The following NTM variants were observed in gnomAD, a reference collection of about 807,000 sequenced individuals.
The protein encoded by NTM is IgLON family member 2.
Under a neutral mutation model 42.1 loss-of-function variants are expected in NTM, and 13 were observed. The ratio of observed to expected loss-of-function variants is 0.31; its 90% confidence interval spans 0.20 to 0.49. The LOEUF (loss-of-function observed/expected upper bound fraction) is 0.49, where lower values mean the gene tolerates loss of function less well. NTM is among the 20% of genes least tolerant of loss of function. The pLI is 0.99. For missense variants in NTM, 373 were observed against 452.8 expected (o/e 0.82, Z 1.60); for synonymous variants, 187 against 179.2 (o/e 1.04, Z -0.35).
At chr11:132,131,497 G>A (rs2066815984) in intron 2 of NTM, among the ~76,000 whole-genome samples, 1 of 152,314 alleles carries the variant, frequency 6.6e-6, no homozygotes, top group East Asian at 1.9e-4. Flanking sequence ...GGAACCCTAC[G>A]AAAGTGCAGC....
intron 8 of NTM, 110 bp downstream of exon 8, chr11:132,330,295 A>G: frequency 8.0e-7 from 1 of 1,257,492 alleles, no homozygotes; most frequent in Non-Finnish European, 1.1e-6. Context: ...GAAGCAGCGC[A>G]GAGGGAACCC....
intron 4 of NTM, among the ~76,000 whole-genome samples, chr11:132,283,353 T>C (rs1479755843): frequency 1.3e-5 from 2 of 152,150 alleles, no homozygotes; most frequent in Admixed American, 1.3e-4. Context: ...TTTTCCAAGT[T>C]GGTAAAATCA....
chr11:132,023,810 T>TTTG lies in NTM; in HGVS notation c.167+112187_167+112189dup, dbSNP rs137975664. On this transcript the variant is annotated intron_variant, in intron 2 of 8. Transcript: ENST00000683400. Reference sequence around the variant, plus strand: ...TGGTTTTGTTGTTGGTGGTGGTGGTTTTGTTGTTGTTGTTGTTGTTGTTGT... The same window carrying TTTG: ...TGGTTTTGTTGTTGGTGGTGGTGGTTTTGTTGTTGTTGTTGTTGTTGTTGTTGT... Among the ~76,000 whole-genome samples the TTTG allele has an allele frequency of 7.8e-4, 114 of 145,544 alleles. No individual in the cohort carries two copies. In the Middle Eastern group the frequency reaches 0.021, roughly 27 times the overall value.
intron 2 of NTM, among the ~76,000 whole-genome samples, chr11:132,052,961 A>C (rs1337641081): frequency 6.6e-6 from 1 of 152,210 alleles, no homozygotes; most frequent in Non-Finnish European, 1.5e-5. Context: ...TAGAATAACA[A>C]TAATGAAACA....
chr11:131,654,451 G>A (rs558874948), intron 1 of NTM, among the ~76,000 whole-genome samples: 6 of 151,518 alleles, frequency 4.0e-5, no homozygotes, highest in East Asian at 1.9e-4. Context: ...TTTTTTTTCC[G>A]GGAGTCTCAG....
intron 2 of NTM, among the ~76,000 whole-genome samples, chr11:132,086,062 C>T (rs549893093): frequency 1.9e-4 from 29 of 152,062 alleles, no homozygotes; most frequent in East Asian, 7.8e-4. Flanking sequence ...CGGTGGCTCA[C>T]GCCTGTAATC....
At chr11:131,496,458 C>T (rs745350391) in intron 1 of NTM, among the ~76,000 whole-genome samples, 4 of 152,222 alleles carry the variant, frequency 2.6e-5, no homozygotes, top group Non-Finnish European at 5.9e-5. Context: ...GCAGACAAAG[C>T]AGTGGGAAAA....
chr11:131,612,377 A>G (rs1013476342), intron 1 of NTM, among the ~76,000 whole-genome samples: 2 of 152,236 alleles, frequency 1.3e-5, no homozygotes, highest in Non-Finnish European at 2.9e-5. Flanking sequence ...AGCAACAGAT[A>G]ACTAATACGC....
chr11:131,660,258 C>T, intron 1 of NTM: 1 of 346,570 alleles, frequency 2.9e-6, no homozygotes, highest in South Asian at 2.3e-5. Context: ...TGGTTGTTGG[C>T]CTCAGGGTGC....
chr11:131,417,056 T>C (rs1051479680), intron 1 of NTM, among the ~76,000 whole-genome samples: 2 of 152,174 alleles, frequency 1.3e-5, no homozygotes, highest in African/African-American at 2.4e-5. Context: ...CAACCTCTAG[T>C]TTAATGGCTA....
chr11:131,990,126 A>G (rs2066764554), intron 2 of NTM, among the ~76,000 whole-genome samples: 1 of 152,142 alleles, frequency 6.6e-6, no homozygotes, highest in African/African-American at 2.4e-5. Context: ...TTTATTCACT[A>G]CATTTTATGG....
chr11:132,038,421 C>T (rs896440479), intron 2 of NTM, among the ~76,000 whole-genome samples: 11 of 152,086 alleles, frequency 7.2e-5, no homozygotes, highest in African/African-American at 1.4e-4. Flanking sequence ...TGTTAGTGCC[C>T]GGAGGAGTGT....
chr11:131,600,170 G>A (rs146579502), intron 1 of NTM, among the ~76,000 whole-genome samples: 88 of 152,290 alleles, frequency 5.8e-4, no homozygotes, highest in African/African-American at 2.1e-3. Flanking sequence ...CCCTCTCTGG[G>A]GATCTGGGGT....
chr11:132,040,105 T>TG (rs2135761117), intron 2 of NTM, among the ~76,000 whole-genome samples: 1 of 58,178 alleles, frequency 1.7e-5, no homozygotes, highest in African/African-American at 1.6e-4. Flanking sequence ...ATTTTTTGTG[T>TG]TTTTATTAGA....
chr11:131,774,080 A>C (rs572163973), intron 1 of NTM: 59 of 985,040 alleles, frequency 6.0e-5, no homozygotes, highest in Non-Finnish European at 7.0e-5. Flanking sequence ...ATGTTGTTCC[A>C]AAATTGCTCT....
At chr11:132,138,048 A>C (rs2068289898) in intron 2 of NTM, among the ~76,000 whole-genome samples, 1 of 151,948 alleles carries the variant, frequency 6.6e-6, no homozygotes, top group African/African-American at 2.4e-5. Context: ...TGCTCCTCCT[A>C]CTGCTGGACA....
chr11:132,080,712 G>C (rs2058929738), intron 2 of NTM, among the ~76,000 whole-genome samples: 1 of 152,160 alleles, frequency 6.6e-6, no homozygotes. Flanking sequence ...CTGAGAGCTT[G>C]TTAAATGCAT....
intron 2 of NTM, among the ~76,000 whole-genome samples, chr11:132,143,042 G>A (rs2069527768): frequency 6.6e-6 from 1 of 152,128 alleles, no homozygotes; most frequent in African/African-American, 2.4e-5. Flanking sequence ...CCTGGTACTT[G>A]TCAGATTTCA....
rs1300011131 is a variant in NTM, at chr11:131,506,425, A to G, written c.82+135537A>G. 2.6e-5 allele frequency among the ~76,000 whole-genome samples: 4 copies of G among 152,098 alleles called. No individual in the cohort carries two copies. In the East Asian group the frequency reaches 7.7e-4, roughly 29 times the overall value. On this transcript the variant is annotated intron_variant, in intron 1 of 8. Coordinates refer to ENST00000683400, the MANE Select transcript of NTM (RefSeq NM_001352005.2). ...TCGGGAGCACTAATGGGATTCTAAT[A>G]CCCTGGCAAATGGGATTTTTTACAA...
Sources: gnomAD v4.1 joint callset for allele counts (sites outside exome capture counted in the v4.1 genomes callset) on GRCh38, gnomAD v4.1.1 for gene constraint, MANE v1.5 for transcripts, NCBI Gene and HGNC (gene_info 2026-07-23, HGNC 2026-07-21) for gene names.